ZFHX3: variants seen among roughly 807,000 people sequenced by gnomAD.
ZFHX3 encodes the protein zinc finger homeobox 3, also known as zinc finger homeobox protein 3.
A neutral mutation model predicts 279.1 loss-of-function variants in ZFHX3; 42 were observed. That is an observed-to-expected ratio of 0.15 (90% CI 0.12 to 0.19). The LOEUF (loss-of-function observed/expected upper bound fraction) is 0.19, where lower values mean the gene tolerates loss of function less well. Ranked by LOEUF, ZFHX3 falls within the 10% of genes least tolerant of loss-of-function variation. The pLI, the probability that ZFHX3 is intolerant of heterozygous loss-of-function variation, is 1.00. For missense variants in ZFHX3, 4,981 were observed against 4,754.0 expected, an observed-to-expected ratio of 1.05 and a Z score of -1.40; for synonymous variants, 2,293 against 1,957.8, an observed-to-expected ratio of 1.17 and a Z score of -4.52.
chr16:72,958,462 C>G lies in ZFHX3; in HGVS notation c.1684G>C (p.Asp562His). ...AAACGATTCCTCCTGTTCGCACCAT[C>G]AAAGACAACAAAGGAAGAAGCAGAA... ...SNSASSFVVF[D>H]GANRRNRLSF... The change falls in exon 2 of 10, where the codon GAT (aspartate) becomes CAT (histidine). Residue 562 changes from aspartate to histidine, a missense_variant. Asp to His is a moderately conservative substitution (Grantham distance 81). This residue lies in a region of ZFHX3 where 1,068 missense variants were observed against 935.2 expected (regional missense o/e 1.14). Coordinates refer to ENST00000268489, the MANE Select transcript of ZFHX3 (RefSeq NM_006885.4). 1.9e-6 allele frequency: 3 copies of G among 1,614,154 alleles called. No individual in the cohort carries two copies. The highest frequency in any genetic ancestry group is 2.7e-5 in the African/African-American group (2 of 75,058).
chr16:72,972,585 C>T (rs1454848425), intron 1 of ZFHX3, among the ~76,000 whole-genome samples: 1 of 152,200 alleles, frequency 6.6e-6, no homozygotes, highest in African/African-American at 2.4e-5. Context: ...GCCCAGAGCA[C>T]AAGACTAGCT....
chr16:72,857,226 A>G (rs1344266611), intron 4 of ZFHX3, among the ~76,000 whole-genome samples: 1 of 152,240 alleles, frequency 6.6e-6, no homozygotes, highest in Non-Finnish European at 1.5e-5. Flanking sequence ...AAGAAAACCT[A>G]AACAACAGAG....
Position 73,840,269 on chromosome 16 carries a change from T to G in ZFHX3, c.-1608+51382A>C, listed in dbSNP as rs537842344. 2.6e-4 allele frequency among the ~76,000 whole-genome samples: 39 copies of G among 152,160 alleles called. No individual in the cohort carries two copies. The Middle Eastern group carries it at 0.01, about 40-fold the overall frequency. ...GAGGAAAAGAAAGAGGGGGCAGGAA[T>G]CCACCCATGTCCTTTTGCTGCTAAA... On this transcript the variant is annotated intron_variant, in intron 1 of 17. Transcript: ENST00000641206.
exon 6 of ZFHX3, chr16:73,143,807 G>C: frequency 1.5e-6 from 2 of 1,304,234 alleles, no homozygotes; most frequent in Non-Finnish European, 1.0e-6. Context: ...TAGACTTCTG[G>C]GGGTTGTAAC....
At chr16:73,042,074 A>T (rs1178435196) in intron 1 of ZFHX3, among the ~76,000 whole-genome samples, 1 of 152,230 alleles carries the variant, frequency 6.6e-6, no homozygotes, top group Non-Finnish European at 1.5e-5. Context: ...AGCTCAGTTC[A>T]TGTCTACACA....
intron 1 of ZFHX3, among the ~76,000 whole-genome samples, chr16:73,756,992 G>T (rs2053816376): frequency 6.6e-6 from 1 of 152,110 alleles, no homozygotes; most frequent in Non-Finnish European, 1.5e-5. Context: ...TCGTAAGAGT[G>T]CAAGAGGGAA....
At chr16:73,439,375 G>A (rs888533648) in intron 3 of ZFHX3, among the ~76,000 whole-genome samples, 2 of 152,096 alleles carry the variant, frequency 1.3e-5, no homozygotes, top group East Asian at 1.9e-4. Context: ...TGAGCTCAGC[G>A]TGCTATTGCA....
At chr16:73,465,215 C>A (rs76736517) in intron 2 of ZFHX3, among the ~76,000 whole-genome samples, 2,980 of 152,332 alleles carry the variant, frequency 0.02, 102 homozygotes, top group African/African-American at 0.068. Context: ...CCAGCCCGTG[C>A]TGCGCCAAAG....
At chr16:72,862,773 T>C (rs2037917853) in intron 4 of ZFHX3, among the ~76,000 whole-genome samples, 1 of 151,404 alleles carries the variant, frequency 6.6e-6, no homozygotes, top group Non-Finnish European at 1.5e-5. Flanking sequence ...AACATCCAAA[T>C]CCCGACTGCA....
chr16:73,703,839 C>A (rs1037624471), intron 1 of ZFHX3, among the ~76,000 whole-genome samples: 3 of 152,114 alleles, frequency 2.0e-5, no homozygotes, highest in Non-Finnish European at 4.4e-5. Flanking sequence ...TTTGAGGGAT[C>A]CGAGTCGTAA....
chr16:73,033,161 G>C (rs1033809974), intron 1 of ZFHX3, among the ~76,000 whole-genome samples: 1 of 152,140 alleles, frequency 6.6e-6, no homozygotes, highest in Non-Finnish European at 1.5e-5. Flanking sequence ...TCAGCTGCCA[G>C]ACACCTCCTT....
At chr16:73,587,803 T>G (rs13338547) in intron 2 of ZFHX3, among the ~76,000 whole-genome samples, 4,294 of 152,338 alleles carry the variant, frequency 0.028, 200 homozygotes, top group African/African-American at 0.098. Context: ...AGAAAAACTA[T>G]CAATGCTAAT....
At chr16:73,790,153 T>C (rs1959779198) in intron 1 of ZFHX3, among the ~76,000 whole-genome samples, 1 of 152,136 alleles carries the variant, frequency 6.6e-6, no homozygotes. Context: ...GTTCTGAGGT[T>C]AAAAATAGTA....
At chr16:73,656,484 G>A (rs181763279) in intron 2 of ZFHX3, among the ~76,000 whole-genome samples, 38 of 152,292 alleles carry the variant, frequency 2.5e-4, no homozygotes, top group Admixed American at 2.3e-3. Flanking sequence ...TTACCTCTAG[G>A]GAGGATCAAG....
rs189687815 is a variant in ZFHX3, at chr16:73,094,862, G to A, written c.-896-1264C>T. Among the ~76,000 whole-genome samples the A allele has an allele frequency of 6.7e-4, 102 of 152,038 alleles. No individual in the cohort carries two copies. The East Asian group carries it at 0.014, about 22-fold the overall frequency. ...GTAGCTGGGACTGCAGATGTACACC[G>A]TCATGTCCGGCTAATTTTTGTATTT... On this transcript the variant is annotated intron_variant, in intron 7 of 17. Transcript: ENST00000641206.
intron 7 of ZFHX3, among the ~76,000 whole-genome samples, chr16:72,800,951 G>A (rs545338459): frequency 3.9e-5 from 6 of 152,332 alleles, no homozygotes; most frequent in Admixed American, 3.3e-4. Context: ...CTTTTGGGCA[G>A]AGCCTCAGAT....
Position 72,860,067 on chromosome 16 carries a change from C to A in ZFHX3, c.3448+29664G>T, listed in dbSNP as rs2037846464. 2.0e-5 allele frequency among the ~76,000 whole-genome samples: 3 copies of A among 152,310 alleles called. No individual in the cohort carries two copies. The South Asian group carries it at 6.2e-4, about 32-fold the overall frequency. On this transcript the variant is annotated intron_variant, in intron 4 of 9. Transcript: ENST00000268489. ...TGGACGTTTGCAGCTCCTAGCCCAG[C>A]TGGGAAGTACAACACTCCCTCAGCG...
chr16:73,850,433 A>C (rs1961565895), intron 1 of ZFHX3, among the ~76,000 whole-genome samples: 1 of 152,094 alleles, frequency 6.6e-6, no homozygotes, highest in African/African-American at 2.4e-5. Flanking sequence ...CTGAAAACTG[A>C]GTCTGTCTCA....
At chr16:73,802,201 C>T (rs1205185259) in intron 1 of ZFHX3, among the ~76,000 whole-genome samples, 1 of 152,066 alleles carries the variant, frequency 6.6e-6, no homozygotes, top group Non-Finnish European at 1.5e-5. Flanking sequence ...TAAAACCCCA[C>T]TCCCAGGATG....
Sources: gnomAD v4.1 joint callset for allele counts (sites outside exome capture counted in the v4.1 genomes callset) on GRCh38, gnomAD v4.1.1 for gene constraint, gnomAD v4.1.1 regional missense constraint, MANE v1.5 for transcripts, NCBI Gene and HGNC (gene_info 2026-07-23, HGNC 2026-07-21) for gene names.